NT5C1B: variants seen among roughly 807,000 people sequenced by gnomAD.
The protein encoded by NT5C1B is cytosolic 5'-nucleotidase 1B.
In NT5C1B, 44 loss-of-function variants were observed where a neutral mutation model predicts 57.8. The observed-to-expected ratio is 0.76, with a 90% confidence interval of 0.60 to 0.98. The LOEUF is 0.98. NT5C1B is among the 50% of genes least tolerant of loss of function. NT5C1B has a pLI of 0.00. For missense variants in NT5C1B, 742 were observed against 719.5 expected (o/e 1.03, Z -0.36); for synonymous variants, 284 against 282.6 (o/e 1.00, Z -0.05).
chr2:18,583,051 G>C (rs1666321429), intron 5 of NT5C1B, 54 bp from the exon 6 acceptor site: 10 of 1,579,958 alleles, frequency 6.3e-6, no homozygotes, highest in Non-Finnish European at 7.7e-6. Flanking sequence ...GGTGGATCTG[G>C]GGAGGCCGGA....
At chr2:18,582,757 G>A in intron 6 of NT5C1B, 111 bp downstream of exon 6, 1 of 1,433,354 alleles carries the variant, frequency 7.0e-7, no homozygotes. Context: ...GCAGAAGGGG[G>A]TGTCAGTATC....
At chr2:18,582,825 A>T (rs201161052) in intron 6 of NT5C1B, 43 bp downstream of exon 6, 1 of 1,595,184 alleles carries the variant, frequency 6.3e-7, no homozygotes. Context: ...TCTCTCTTTC[A>T]GAGCGGAGAG....
chr2:18,586,972 C>T (rs200528570), intron 2 of NT5C1B: 31 of 1,614,066 alleles, frequency 1.9e-5, no homozygotes, highest in East Asian at 4.5e-5. Context: ...CCTCCAGAAT[C>T]GGTAGTGTGA....
intron 6 of NT5C1B, among the ~76,000 whole-genome samples, chr2:18,580,233 C>T (rs1490307540): frequency 6.6e-6 from 1 of 152,154 alleles, no homozygotes; most frequent in Non-Finnish European, 1.5e-5. Context: ...GCAGATTTCT[C>T]AACGAATTTT....
At chr2:18,580,591 G>A (rs1369639448) in intron 6 of NT5C1B, among the ~76,000 whole-genome samples, 1 of 151,992 alleles carries the variant, frequency 6.6e-6, no homozygotes, top group Non-Finnish European at 1.5e-5. Flanking sequence ...CTCCAGCCTG[G>A]GCAACAAGAG....
chr2:18,577,603 T>TA (rs1359004663), intron 6 of NT5C1B, among the ~76,000 whole-genome samples: 1 of 151,508 alleles, frequency 6.6e-6, no homozygotes, highest in African/African-American at 2.4e-5. Flanking sequence ...GGGACATAGC[T>TA]AAAACACTGT....
At chr2:18,586,204 C>A (rs1666693860) in intron 3 of NT5C1B, 50 bp downstream of exon 3, 2 of 1,594,840 alleles carry the variant, frequency 1.3e-6, no homozygotes, top group East Asian at 4.5e-5. Context: ...TAAATGTTAA[C>A]CATTGTTATT....
At chr2:18,564,152 C>T (rs765502267) in intron 8 of NT5C1B, 33 bp from the exon 9 acceptor site, 2 of 1,512,280 alleles carry the variant, frequency 1.3e-6, no homozygotes, top group South Asian at 2.7e-5. Context: ...AGCTGTGATA[C>T]AGTGAGCCAA....
chr2:18,584,344 C>T lies in NT5C1B; in HGVS notation c.724-89G>A, dbSNP rs113969673. On this transcript the variant is annotated intron_variant, in intron 4 of 8. Coordinates refer to ENST00000304081, the Ensembl canonical transcript of NT5C1B. The surrounding 1 kb of genome is among the most constrained non-coding windows in gnomAD (Gnocchi z 5.8). ...CCTCCAGGGTAGGGTGAGAGTAGGA[C>T]AGCGGGCCCCTGCTTGGAGAAGCGG... The T allele has an allele frequency of 7.9e-5, 123 of 1,558,786 alleles. 1 individual carries two copies. The South Asian group carries it at 1.4e-3, about 17-fold the overall frequency.
At chr2:18,577,702 G>GA (rs565122984) in intron 6 of NT5C1B, among the ~76,000 whole-genome samples, 1,957 of 135,340 alleles carry the variant, frequency 0.014, 24 homozygotes, top group Middle Eastern at 0.06. Flanking sequence ...AGAGAAACTA[G>GA]AAAAAAAAAA....
At chr2:18,567,762 A>C (rs1002243139) in intron 8 of NT5C1B, among the ~76,000 whole-genome samples, 2 of 152,248 alleles carry the variant, frequency 1.3e-5, no homozygotes, top group African/African-American at 4.8e-5. Context: ...TTTTAGGAGA[A>C]ATTAAAAGAA....
intron 6 of NT5C1B, among the ~76,000 whole-genome samples, chr2:18,581,811 A>C (rs1275233317): frequency 6.6e-6 from 1 of 152,166 alleles, no homozygotes; most frequent in South Asian, 2.1e-4. Context: ...GCAGACGGAG[A>C]TACGAATTGC....
chr2:18,576,805 T>A, exon 7 of NT5C1B: 1 of 1,613,890 alleles, frequency 6.2e-7, no homozygotes, highest in South Asian at 1.1e-5. Context: ...TTTTTCAGAA[T>A]CTGCAGCAAT....
chr2:18,588,385 A>G (rs1222940175), intron 1 of NT5C1B, among the ~76,000 whole-genome samples: 1 of 152,224 alleles, frequency 6.6e-6, no homozygotes, highest in Non-Finnish European at 1.5e-5. Context: ...ACCAAGATCC[A>G]CTAGAGCAGT....
intron 5 of NT5C1B, 111 bp downstream of exon 5, chr2:18,583,977 C>T: frequency 6.3e-7 from 1 of 1,591,270 alleles, no homozygotes; most frequent in Non-Finnish European, 8.6e-7. Flanking sequence ...ACAAGAATGA[C>T]AAGGGTGGGC....
chr2:18,563,844 C>T (rs1664394117), exon 9 of NT5C1B: 1 of 1,608,328 alleles, frequency 6.2e-7, no homozygotes, highest in Non-Finnish European at 8.5e-7. Flanking sequence ...TGGAACCTAA[C>T]CTCTGTGCCC....
intron 8 of NT5C1B, among the ~76,000 whole-genome samples, chr2:18,564,907 C>G (rs1664504555): frequency 6.6e-6 from 1 of 152,084 alleles, no homozygotes; most frequent in Admixed American, 6.5e-5. Flanking sequence ...ACCTTTACAA[C>G]TATAACCTTT....
chr2:18,571,745 T>C (rs1230377773), intron 8 of NT5C1B, among the ~76,000 whole-genome samples: 3 of 83,856 alleles, frequency 3.6e-5, no homozygotes, highest in African/African-American at 7.2e-5. Flanking sequence ...TATATATATA[T>C]ATATATATAT....
chr2:18,574,558 T>C (rs1665503573), intron 8 of NT5C1B, among the ~76,000 whole-genome samples: 1 of 152,100 alleles, frequency 6.6e-6, no homozygotes. Flanking sequence ...TTATTCACAA[T>C]GGCCAATATT....
Sources: allele counts gnomAD v4.1 joint callset (sites outside exome capture counted in the v4.1 genomes callset), GRCh38; gene constraint gnomAD v4.1.1; non-coding constraint Gnocchi (gnomAD v3.1); transcripts MANE v1.5; gene names NCBI Gene and HGNC (gene_info 2026-07-23, HGNC 2026-07-21).